Variants in SYN3 observed in about 807,000 individuals in gnomAD.
SYN3 encodes the protein synapsin-3.
Under a neutral mutation model 65.8 loss-of-function variants are expected in SYN3, and 35 were observed. The observed-to-expected ratio is 0.53, with a 90% CI of 0.41 to 0.70. The LOEUF (loss-of-function observed/expected upper bound fraction) is 0.70. Ranked by LOEUF, SYN3 falls within the 30% of genes least tolerant of loss-of-function variation. The probability of loss-of-function intolerance (pLI) is 0.00; values close to 1 mark genes in which losing one functional copy is unlikely to be tolerated. For synonymous variants in SYN3, 270 were observed against 292.9 expected, an observed-to-expected ratio of 0.92 and a Z score of 0.80; for missense variants, 680 against 749.0, an observed-to-expected ratio of 0.91 and a Z score of 1.08.
At chr22:32,886,594 G>A (rs189967380) in intron 4 of SYN3, among the ~76,000 whole-genome samples, 136 of 152,226 alleles carry the variant, frequency 8.9e-4, no homozygotes, top group African/African-American at 3.1e-3. Flanking sequence ...GATTTGCTTC[G>A]ACATATGTAA....
chr22:32,626,764 G>A (rs993481765), intron 6 of SYN3, among the ~76,000 whole-genome samples: 1 of 152,162 alleles, frequency 6.6e-6, no homozygotes, highest in Admixed American at 6.5e-5. Flanking sequence ...TGGGTGCCCC[G>A]AGTGTGGAGG....
At chr22:32,563,895 CT>C (rs949575753) in intron 7 of SYN3, among the ~76,000 whole-genome samples, 3 of 152,162 alleles carry the variant, frequency 2.0e-5, no homozygotes, top group Admixed American at 1.3e-4. Context: ...TCTCGAACTC[CT>C]GACCTCAGGT....
At chr22:32,653,326 CA>C (rs2060099429) in intron 6 of SYN3, among the ~76,000 whole-genome samples, 2 of 151,024 alleles carry the variant, frequency 1.3e-5, no homozygotes, top group African/African-American at 4.9e-5. Flanking sequence ...AATTTTTTAT[CA>C]ATGGCAAAAT....
intron 6 of SYN3, among the ~76,000 whole-genome samples, chr22:32,626,576 T>C (rs762457402): frequency 5.3e-5 from 8 of 152,094 alleles, no homozygotes; most frequent in Non-Finnish European, 1.0e-4. Context: ...GAATGAGCAC[T>C]TGGGCAGAGC....
chr22:32,610,565 TTTTTGTTTTGTTTTGTTTTG>T (rs59707741), intron 6 of SYN3, among the ~76,000 whole-genome samples: 8 of 150,286 alleles, frequency 5.3e-5, no homozygotes, highest in African/African-American at 2.0e-4. Flanking sequence ...TGTATGTGTG[TTTTTGTTTTGTTTTGTTTTG>T]TTTTGTTTTG....
rs1194847590 is a variant in SYN3 at position 32,820,263 on chromosome 22, CGT to C, written c.711+44650_711+44651del. 5.8e-3 allele frequency among the ~76,000 whole-genome samples: 706 copies of C among 122,032 alleles called. 4 individuals are homozygous for C. The highest frequency in any genetic ancestry group is 7.1e-3 in the South Asian group (25 of 3,500). The allele number at this position is 122,032 out of a possible 152,430, so 80.1% of individuals were successfully genotyped here. On this transcript the variant is annotated intron_variant, in intron 6 of 13. Transcript: ENST00000358763. Reference sequence around the variant, plus strand: ...TCCCCTGTGTGTGTGTGTGTGTGTGCGTGCGCGTGTGTGTGTGTGTGTGTGGT... The same window carrying C: ...TCCCCTGTGTGTGTGTGTGTGTGTGCGCGCGTGTGTGTGTGTGTGTGTGGT...
At chr22:32,998,794 A>AC (rs1556121662) in intron 2 of SYN3, among the ~76,000 whole-genome samples, 4 of 137,120 alleles carry the variant, frequency 2.9e-5, no homozygotes, top group African/African-American at 1.0e-4. Flanking sequence ...AAAAAAAAAA[A>AC]AAAAACAAAA....
At chr22:32,929,530 T>C (rs1272613309) in intron 4 of SYN3, among the ~76,000 whole-genome samples, 2 of 152,216 alleles carry the variant, frequency 1.3e-5, no homozygotes, top group Non-Finnish European at 2.9e-5. Context: ...ATTTGAAGCC[T>C]AGCTTGAAAG....
intron 6 of SYN3, among the ~76,000 whole-genome samples, chr22:32,607,779 TG>T (rs2146664969): frequency 6.6e-6 from 1 of 152,380 alleles, no homozygotes; most frequent in East Asian, 1.9e-4. Flanking sequence ...TGTTCTTGCC[TG>T]TGTGATGTTT....
In SYN3 at chr22:32,527,689, G is replaced by A. The variant is rs911195093; in HGVS notation, c.1318+229C>T. 1.1e-5 allele frequency: 5 copies of A among 450,852 alleles called. No homozygotes were observed. In the Admixed American group the frequency reaches 1.6e-4, roughly 14 times the overall value. The allele number at this position is 450,852 out of a possible 1,614,324, so 27.9% of individuals were successfully genotyped here. ...GAGAAAATAGGTGGGACATTCCCTG[G>A]CACAGTGCTTGGTGCATATTAGGTT... On this transcript the variant is annotated intron_variant, in intron 12 of 13. Coordinates refer to ENST00000358763, the MANE Select transcript of SYN3 (RefSeq NM_003490.4).
chr22:32,811,432 G>A (rs1340114569), intron 6 of SYN3, among the ~76,000 whole-genome samples: 2 of 152,200 alleles, frequency 1.3e-5, no homozygotes, highest in African/African-American at 4.8e-5. Flanking sequence ...CACTTTCGGT[G>A]AGGAAAATGG....
chr22:32,823,940 A>G (rs1164563166), intron 6 of SYN3, among the ~76,000 whole-genome samples: 1 of 152,152 alleles, frequency 6.6e-6, no homozygotes, highest in Non-Finnish European at 1.5e-5. Context: ...GTGACATCTT[A>G]TGAAGTCAGC....
chr22:32,644,085 A>AG (rs2059947417), intron 6 of SYN3, among the ~76,000 whole-genome samples: 1 of 72,112 alleles, frequency 1.4e-5, no homozygotes, highest in South Asian at 5.2e-4. Context: ...AAAAAAAAAA[A>AG]AAAAAAAAAA....
At chr22:32,740,452 C>G (rs1354683543) in intron 6 of SYN3, among the ~76,000 whole-genome samples, 2 of 152,082 alleles carry the variant, frequency 1.3e-5, no homozygotes, top group African/African-American at 4.8e-5. Flanking sequence ...TGATCAGAAT[C>G]TTAGAGAATG....
intron 1 of SYN3, among the ~76,000 whole-genome samples, chr22:33,053,759 C>T (rs550875927): frequency 1.1e-4 from 17 of 152,268 alleles, no homozygotes; most frequent in Non-Finnish European, 2.2e-4. Context: ...GGGATAGATG[C>T]CCCTGCTCTG....
At chr22:33,037,142 G>A (rs989632730) in intron 1 of SYN3, among the ~76,000 whole-genome samples, 5 of 152,158 alleles carry the variant, frequency 3.3e-5, no homozygotes, top group Non-Finnish European at 5.9e-5. Context: ...TTACAGGGCC[G>A]CAGCCAATGC....
chr22:32,994,397 T>C (rs1205212272), intron 2 of SYN3, among the ~76,000 whole-genome samples: 3 of 151,840 alleles, frequency 2.0e-5, no homozygotes, highest in African/African-American at 7.3e-5. Flanking sequence ...GGGTGGTGTG[T>C]TTGAGTGATG....
intron 4 of SYN3, among the ~76,000 whole-genome samples, chr22:32,908,143 T>C (rs147886209): frequency 0.036 from 5,511 of 151,970 alleles, 136 homozygotes; most frequent in Non-Finnish European, 0.046. Context: ...TGGAGTGCAG[T>C]GGCATGATCC....
At chr22:32,804,207 T>A (rs2046664528) in intron 6 of SYN3, among the ~76,000 whole-genome samples, 1 of 152,204 alleles carries the variant, frequency 6.6e-6, no homozygotes, top group Non-Finnish European at 1.5e-5. Context: ...TTGTTCTGCC[T>A]GGGTTTGGTG....
Sources: gnomAD v4.1 joint callset for allele counts (sites outside exome capture counted in the v4.1 genomes callset) on GRCh38, gnomAD v4.1.1 for gene constraint, MANE v1.5 for transcripts, NCBI Gene and HGNC (gene_info 2026-07-23, HGNC 2026-07-21) for gene names.